PCDHAC1: variants seen among roughly 807,000 people sequenced by gnomAD.
PCDHAC1 encodes the protein protocadherin alpha subfamily C, 1, also known as protocadherin alpha-C1.
Under a neutral mutation model 60.0 loss-of-function variants are expected in PCDHAC1, and 42 were observed. The ratio of observed to expected loss-of-function variants is 0.70; its 90% CI spans 0.55 to 0.90. The LOEUF is 0.90. Among genes scored for constraint, PCDHAC1 ranks in the 40% least tolerant of loss-of-function variants. PCDHAC1 has a pLI of 0.00. For missense variants in PCDHAC1, 1,160 were observed against 1,222.3 expected (o/e 0.95, Z 0.76); for synonymous variants, 468 against 499.3 (o/e 0.94, Z 0.84).
chr5:140,997,781 C>T (rs1207024588), intron 3 of PCDHAC1, among the ~76,000 whole-genome samples: 3 of 151,626 alleles, frequency 2.0e-5, no homozygotes, highest in African/African-American at 7.3e-5. Flanking sequence ...TGTTGTATAC[C>T]TATATTATAA....
At chr5:140,948,273 T>A (rs1563231021) in intron 1 of PCDHAC1, among the ~76,000 whole-genome samples, 1 of 151,602 alleles carries the variant, frequency 6.6e-6, no homozygotes, top group South Asian at 2.1e-4. Context: ...ATGTAGAATA[T>A]CTGTAAATAA....
chr5:140,972,910 C>G (rs2096563603), intron 1 of PCDHAC1, among the ~76,000 whole-genome samples: 1 of 152,054 alleles, frequency 6.6e-6, no homozygotes, highest in Non-Finnish European at 1.5e-5. Flanking sequence ...GATCCACCCG[C>G]CTTGGCCTCC....
intron 1 of PCDHAC1, among the ~76,000 whole-genome samples, chr5:140,945,224 T>C (rs1563213002): frequency 6.6e-6 from 1 of 152,016 alleles, no homozygotes; most frequent in Non-Finnish European, 1.5e-5. Context: ...ATAAAAATAC[T>C]TAGGAATAAA....
rs1190569981 is a variant in PCDHAC1 at position 140,928,792 on chromosome 5, G to T, written c.1900G>T (p.Val634Leu). 1 of 1,614,048 alleles carries T rather than the reference G, an allele frequency of 6.2e-7. No homozygotes were observed. Among genetic ancestry groups the T allele is most frequent in the African/African-American group, 1.3e-5 (1 of 74,934 alleles). The change falls in exon 1 of 4, where the codon GTG (valine) becomes TTG (leucine). Residue 634 changes from valine (V) to leucine (L), a missense_variant. Physicochemically the swap from Val to Leu is conservative, Grantham distance 32 (BLOSUM62 1). This residue lies in a region of PCDHAC1 where 1,113 missense variants were observed against 1,163.7 expected (regional missense o/e 0.96). Transcript: ENST00000253807. ...TCCCACTGATGCAGTTAAGCAGAGGGTGGTGGTAGTGGTTCGGGACCATGG... is the reference window on the plus strand; with the variant it reads ...TCCCACTGATGCAGTTAAGCAGAGGTTGGTGGTAGTGGTTCGGGACCATGG... ...VLPTDAVKQR[V>L]VVVVRDHGDP...
At chr5:141,006,216 A>T (rs6897376) in intron 3 of PCDHAC1, among the ~76,000 whole-genome samples, 45,154 of 145,800 alleles carry the variant, frequency 0.31, 6,982 homozygotes, top group East Asian at 0.44. Context: ...ATTTTTTTTT[A>T]AATTTTTTAT....
Position 140,971,633 on chromosome 5 carries a change from T to A in PCDHAC1, c.2434-7316T>A, listed in dbSNP as rs540754440. 2.0e-5 allele frequency among the ~76,000 whole-genome samples: 3 copies of A among 152,294 alleles called. No individual in the cohort carries two copies. The South Asian group carries it at 6.2e-4, about 32-fold the overall frequency. On this transcript the variant is annotated intron_variant, in intron 1 of 3. Transcript: ENST00000253807. ...GAGTCCTGGGGTACAATTAGTACCA[T>A]GTGCCTACATTAAAAGTAGATGGGA...
chr5:140,944,992 C>T (rs561484046), intron 1 of PCDHAC1, among the ~76,000 whole-genome samples: 11 of 152,114 alleles, frequency 7.2e-5, no homozygotes, highest in South Asian at 2.1e-4. Flanking sequence ...ACTTCTGTAA[C>T]GGTTGTGGGT....
chr5:140,969,047 A>C, intron 1 of PCDHAC1: 1 of 1,614,152 alleles, frequency 6.2e-7, no homozygotes, highest in Non-Finnish European at 8.5e-7. Flanking sequence ...CAAACAAGCC[A>C]ACAACAATAT....
At chr5:140,973,324 C>T (rs1261856526) in intron 1 of PCDHAC1, among the ~76,000 whole-genome samples, 4 of 152,174 alleles carry the variant, frequency 2.6e-5, no homozygotes, top group Admixed American at 1.3e-4. Context: ...ACAGAGTTTA[C>T]ACTCGTTGTA....
chr5:140,933,276 G>T (rs1392004837), intron 1 of PCDHAC1, among the ~76,000 whole-genome samples: 2 of 151,892 alleles, frequency 1.3e-5, no homozygotes, highest in Non-Finnish European at 2.9e-5. Context: ...TATTCATTTG[G>T]AACTTGTTTT....
intron 3 of PCDHAC1, among the ~76,000 whole-genome samples, chr5:140,989,715 G>A (rs2097356088): frequency 6.6e-6 from 1 of 152,166 alleles, no homozygotes; most frequent in Non-Finnish European, 1.5e-5. Flanking sequence ...GAGGCAGTCA[G>A]CTTTGCAGTT....
At chr5:141,000,393 C>CTATAAATATA (rs1563650230) in intron 3 of PCDHAC1, among the ~76,000 whole-genome samples, 1 of 52,856 alleles carries the variant, frequency 1.9e-5, no homozygotes, top group African/African-American at 9.2e-5. Flanking sequence ...CTCTCTCTCT[C>CTATAAATATA]TCTATATATA....
intron 1 of PCDHAC1, among the ~76,000 whole-genome samples, chr5:140,963,211 G>A (rs185560728): frequency 0.016 from 2,496 of 152,042 alleles, 69 homozygotes; most frequent in African/African-American, 0.056. Flanking sequence ...AAAAAACCTC[G>A]TGTTTAGAGT....
intron 1 of PCDHAC1, among the ~76,000 whole-genome samples, chr5:140,948,646 G>T (rs1030231985): frequency 6.6e-6 from 1 of 151,616 alleles, no homozygotes; most frequent in South Asian, 2.1e-4. Context: ...ATCTTTTAAC[G>T]TCTGTATAAT....
In PCDHAC1 at chr5:140,928,743, G is replaced by C; in HGVS notation, c.1851G>C (p.Glu617Asp). ...TTAGAATTTCAGCCAATATAGGTGAGCTCCGTACTGCTCGCTTAGTTCTTC... is the reference window on the plus strand; with the variant it reads ...TTAGAATTTCAGCCAATATAGGTGACCTCCGTACTGCTCGCTTAGTTCTTC... ...SLFRISANIG[E>D]LRTARLVLPT... The change falls in exon 1 of 4, where the codon GAG (glutamate) becomes GAC (aspartate). Residue 617 changes from glutamate to aspartate, a missense_variant. By Grantham distance (45) the Glu-to-Asp change is conservative (BLOSUM62 2). Transcript: ENST00000253807. 1 of 1,614,138 alleles carries C rather than the reference G, an allele frequency of 6.2e-7. No individual in the cohort carries two copies. The highest frequency in any genetic ancestry group is 8.5e-7 in the Non-Finnish European group (1 of 1,180,038).
chr5:140,968,798 G>A, intron 1 of PCDHAC1: 3 of 1,614,232 alleles, frequency 1.9e-6, no homozygotes, highest in Non-Finnish European at 2.5e-6. Context: ...GGCCATTACA[G>A]TAGCTGTGGT....
At chr5:140,949,691 T>C (rs2094413493) in intron 1 of PCDHAC1, among the ~76,000 whole-genome samples, 1 of 151,872 alleles carries the variant, frequency 6.6e-6, no homozygotes, top group Non-Finnish European at 1.5e-5. Context: ...AAGCGTATTG[T>C]TGGATCTTGC....
chr5:140,959,320 A>C (rs2095480939), intron 1 of PCDHAC1, among the ~76,000 whole-genome samples: 1 of 152,108 alleles, frequency 6.6e-6, no homozygotes, highest in Non-Finnish European at 1.5e-5. Context: ...AGCTGCAATA[A>C]GTTTTGATTA....
chr5:140,987,228 TAATA>T (rs1459014222), intron 3 of PCDHAC1, among the ~76,000 whole-genome samples: 2 of 149,038 alleles, frequency 1.3e-5, no homozygotes, highest in Non-Finnish European at 3.0e-5. Flanking sequence ...AAAAAAAAAA[TAATA>T]AATAAAGAAA....
Sources: gnomAD v4.1 joint callset for allele counts (sites outside exome capture counted in the v4.1 genomes callset) on GRCh38, gnomAD v4.1.1 for gene constraint, gnomAD v4.1.1 regional missense constraint, MANE v1.5 for transcripts, NCBI Gene and HGNC (gene_info 2026-07-23, HGNC 2026-07-21) for gene names.